The following GALNTL6 variants were observed in gnomAD, a reference collection of about 807,000 sequenced individuals.
GALNTL6 encodes the protein polypeptide N-acetylgalactosaminyltransferase-like 6.
In GALNTL6, 46 loss-of-function variants were observed where a neutral mutation model predicts 73.7. That is an observed-to-expected ratio of 0.62 (90% confidence interval 0.49 to 0.80). GALNTL6 has a LOEUF of 0.80. GALNTL6 is among the 30% of genes least tolerant of loss of function. GALNTL6 has a pLI of 0.00. For missense variants in GALNTL6, 604 were observed against 755.0 expected, an observed-to-expected ratio of 0.80 and a Z score of 2.34; for synonymous variants, 259 against 263.7, an observed-to-expected ratio of 0.98 and a Z score of 0.17.
chr4:172,890,122 G>A (rs1745950049), intron 8 of GALNTL6, among the ~76,000 whole-genome samples: 1 of 151,940 alleles, frequency 6.6e-6, no homozygotes, highest in Non-Finnish European at 1.5e-5. Context: ...TTCTGATTAT[G>A]CTTACTTGGA....
intron 2 of GALNTL6, among the ~76,000 whole-genome samples, chr4:172,194,292 C>T (rs892338087): frequency 6.6e-6 from 1 of 151,938 alleles, no homozygotes; most frequent in Non-Finnish European, 1.5e-5. Context: ...TCGGTGAGAA[C>T]CATGGATTAT....
chr4:172,542,702 G>A (rs182409633), intron 5 of GALNTL6, among the ~76,000 whole-genome samples: 1 of 152,106 alleles, frequency 6.6e-6, no homozygotes, highest in African/African-American at 2.4e-5. Flanking sequence ...GGTCCCCTTG[G>A]CCAAGGTGGG....
At chr4:172,356,433 TA>T (rs971413600) in intron 5 of GALNTL6, among the ~76,000 whole-genome samples, 3 of 151,970 alleles carry the variant, frequency 2.0e-5, no homozygotes, top group Non-Finnish European at 2.9e-5. Context: ...GCTCTTAATT[TA>T]AAAAAAATCA....
chr4:171,835,539 T>C (rs190230274), intron 2 of GALNTL6, among the ~76,000 whole-genome samples: 1 of 152,158 alleles, frequency 6.6e-6, no homozygotes, highest in East Asian at 1.9e-4. Flanking sequence ...AGGCTATTAT[T>C]ATGTATAATG....
intron 5 of GALNTL6, among the ~76,000 whole-genome samples, chr4:172,417,894 G>A (rs1312863167): frequency 6.6e-6 from 1 of 152,166 alleles, no homozygotes; most frequent in Admixed American, 6.6e-5. Context: ...CAGCACTGCT[G>A]CAGTTAAGTA....
rs151278303 is a variant in GALNTL6 at position 172,376,918 on chromosome 4, A to T, written c.553+28229A>T. Among the ~76,000 whole-genome samples, 122 of 152,190 alleles carry T rather than the reference A, an allele frequency of 8.0e-4. 1 individual carries two copies. In the South Asian group the frequency reaches 0.016, roughly 20 times the overall value. On this transcript the variant is annotated intron_variant, in intron 5 of 12. Coordinates refer to ENST00000506823, the MANE Select transcript of GALNTL6 (RefSeq NM_001034845.3). ...GTTGTTTCTTCCTTCTGTTGGGTTC[A>T]TGGTCTCGCTGGCTTCAGGAGTGAA... is the stretch of plus-strand genomic sequence containing the variant.
intron 2 of GALNTL6, among the ~76,000 whole-genome samples, chr4:172,101,811 C>A (rs1732528066): frequency 6.6e-6 from 1 of 151,934 alleles, no homozygotes; most frequent in Admixed American, 6.6e-5. Flanking sequence ...CAGTAATTTA[C>A]TTCATTATTT....
intron 4 of GALNTL6, among the ~76,000 whole-genome samples, chr4:172,338,376 A>G (rs1019182661): frequency 6.0e-5 from 9 of 151,260 alleles, no homozygotes; most frequent in Non-Finnish European, 1.2e-4. Flanking sequence ...GCTCCTTTTC[A>G]TCTGGAGATC....
intron 7 of GALNTL6, among the ~76,000 whole-genome samples, chr4:172,869,698 G>A (rs1202522377): frequency 1.3e-5 from 2 of 152,128 alleles, no homozygotes; most frequent in Non-Finnish European, 2.9e-5. Flanking sequence ...CCATTTAGAT[G>A]CCAGCCTACA....
chr4:171,955,516 T>A (rs1579004311), intron 2 of GALNTL6, among the ~76,000 whole-genome samples: 1 of 152,060 alleles, frequency 6.6e-6, no homozygotes, highest in Non-Finnish European at 1.5e-5. Flanking sequence ...AAAAGGTATA[T>A]TGTTTGCATA....
At chr4:171,992,415 C>G (rs760048125) in intron 2 of GALNTL6, among the ~76,000 whole-genome samples, 8 of 151,960 alleles carry the variant, frequency 5.3e-5, no homozygotes, top group Non-Finnish European at 7.4e-5. Context: ...AGTCACTTTT[C>G]TCTGAAGTCT....
chr4:172,409,834 T>C (rs1411630465), intron 5 of GALNTL6, among the ~76,000 whole-genome samples: 1 of 152,042 alleles, frequency 6.6e-6, no homozygotes, highest in East Asian at 1.9e-4. Context: ...CAGGTATGAC[T>C]TTTGAACCTG....
chr4:172,055,041 C>G (rs1469118570), intron 2 of GALNTL6, among the ~76,000 whole-genome samples: 5 of 152,126 alleles, frequency 3.3e-5, no homozygotes, highest in Non-Finnish European at 7.3e-5. Flanking sequence ...AGCATTAGAA[C>G]TAAATGCATG....
intron 5 of GALNTL6, among the ~76,000 whole-genome samples, chr4:172,714,155 T>G (rs146516322): frequency 5.1e-4 from 78 of 152,316 alleles, no homozygotes; most frequent in Non-Finnish European, 8.7e-4. Flanking sequence ...TTATTGTTTT[T>G]GTTCTAAACT....
chr4:172,362,772 C>G (rs1249834343), intron 5 of GALNTL6, among the ~76,000 whole-genome samples: 4 of 152,154 alleles, frequency 2.6e-5, no homozygotes, highest in African/African-American at 9.6e-5. Context: ...ACATCATCAT[C>G]CATTGAAACT....
chr4:172,761,278 A>G (rs979175867), intron 5 of GALNTL6, among the ~76,000 whole-genome samples: 2 of 152,168 alleles, frequency 1.3e-5, no homozygotes, highest in African/African-American at 2.4e-5. Context: ...TGGAGGATGT[A>G]TACTACTGTG....
chr4:172,597,211 G>A (rs1737888519), intron 5 of GALNTL6, among the ~76,000 whole-genome samples: 1 of 152,130 alleles, frequency 6.6e-6, no homozygotes, highest in African/African-American at 2.4e-5. Flanking sequence ...CTACCCAGGG[G>A]ACATCAATTG....
intron 5 of GALNTL6, among the ~76,000 whole-genome samples, chr4:172,591,933 G>C (rs890350720): frequency 1.3e-5 from 2 of 152,144 alleles, no homozygotes; most frequent in Non-Finnish European, 2.9e-5. Flanking sequence ...GCACAAGGAG[G>C]AGCAAAACTC....
In GALNTL6 at chr4:172,127,548, T is replaced by C. The variant is rs573167921; in HGVS notation, c.139-102108T>C. Among the ~76,000 whole-genome samples the C allele has an allele frequency of 3.3e-5, 5 of 152,366 alleles. No homozygotes were observed. In the East Asian group the frequency reaches 9.6e-4, roughly 29 times the overall value. ...CTTGGATTACTTATGAAAACTAAGA[T>C]ATTAGGCTAAGCTAGTCATCATTTC... On this transcript the variant is annotated intron_variant, in intron 2 of 12. Coordinates refer to ENST00000506823, the MANE Select transcript of GALNTL6 (RefSeq NM_001034845.3).
Sources: allele counts gnomAD v4.1 joint callset (sites outside exome capture counted in the v4.1 genomes callset), GRCh38; gene constraint gnomAD v4.1.1; transcripts MANE v1.5; gene names NCBI Gene and HGNC (gene_info 2026-07-23, HGNC 2026-07-21).